Variants in GGT5 observed in about 807,000 individuals in gnomAD.
GGT5 encodes the protein glutathione hydrolase 5 proenzyme.
In GGT5, 50 loss-of-function variants were observed where a neutral mutation model predicts 58.1. The ratio of observed to expected loss-of-function variants is 0.86; its 90% confidence interval spans 0.69 to 1.09. GGT5 has a LOEUF of 1.09. GGT5 is among the 50% of genes least tolerant of loss of function. The probability of loss-of-function intolerance (pLI) is 0.00; values close to 1 mark genes in which losing one functional copy is unlikely to be tolerated. For missense variants in GGT5, 800 were observed against 789.4 expected (o/e 1.01, Z -0.16); for synonymous variants, 370 against 346.1 (o/e 1.07, Z -0.77).
intron 1 of GGT5, among the ~76,000 whole-genome samples, chr22:24,239,554 A>T (rs1210998092): frequency 3.9e-5 from 6 of 152,140 alleles, no homozygotes; most frequent in Non-Finnish European, 8.8e-5. Flanking sequence ...GAGCTTGGCC[A>T]TAAGATTGTT....
At chr22:24,222,514 C>T (rs1011963654) in intron 11 of GGT5, among the ~76,000 whole-genome samples, 3 of 152,184 alleles carry the variant, frequency 2.0e-5, no homozygotes, top group African/African-American at 4.8e-5. Context: ...AGACTCTCCT[C>T]GCCCTAGTCC....
At chr22:24,231,635 C>T in intron 5 of GGT5, 105 bp from the exon 6 acceptor site, 1 of 1,174,000 alleles carries the variant, frequency 8.5e-7, no homozygotes, top group South Asian at 1.4e-5. Context: ...ATGCTTTTGC[C>T]TTGTGGACAC....
Position 24,244,661 on chromosome 22 carries a change from A to G in GGT5, c.65T>C (p.Val22Ala), listed in dbSNP as rs2048425504. 2.5e-6 allele frequency: 4 copies of G among 1,612,846 alleles called. No individual in the cohort carries two copies. In the South Asian group the frequency reaches 3.3e-5, roughly 13 times the overall value. ...AGAGAGGACCACAGCCAGCACAATG[A>G]CAGCCAGCGCCAGCCCCAGACCCAG... ...VLLGLGLALA[V>A]IVLAVVLSRH... is the part of the protein sequence containing the mutation. The change falls in exon 1 of 12, where the codon GTC becomes GCC. Residue 22 changes from valine to alanine, a missense_variant. Physicochemically the swap from Val to Ala is moderately conservative, Grantham distance 64. Coordinates refer to ENST00000327365, the MANE Select transcript of GGT5 (RefSeq NM_004121.5).
chr22:24,236,686 C>T (rs1214861996), intron 1 of GGT5, among the ~76,000 whole-genome samples: 1 of 150,844 alleles, frequency 6.6e-6, no homozygotes, highest in Non-Finnish European at 1.5e-5. Flanking sequence ...TGGTGTGAAC[C>T]TGGAAGTCGG....
At chr22:24,238,255 C>T (rs1332028828) in intron 1 of GGT5, among the ~76,000 whole-genome samples, 4 of 136,566 alleles carry the variant, frequency 2.9e-5, no homozygotes, top group South Asian at 2.4e-4. Context: ...AAAGGCCAGG[C>T]GCGGTGACTC....
rs2048184270 is a variant in GGT5, at chr22:24,238,782, AT to A, written c.174-4779del. On this transcript the variant is annotated intron_variant, in intron 1 of 11. Transcript: ENST00000327365. ...TGGAATATATATATATATATATAAT[AT>A]ATATTATATATTTATATATATATAA... 6.5e-4 allele frequency among the ~76,000 whole-genome samples: 14 copies of A among 21,686 alleles called. 1 individual carries two copies. The highest frequency in any genetic ancestry group is 3.0e-3 in the East Asian group (2 of 666). The allele number at this position is 21,686 out of a possible 152,430, so 14.2% of individuals were successfully genotyped here.
Position 24,238,793 on chromosome 22 carries a change from AT to A in GGT5, c.174-4790del, listed in dbSNP as rs56774827. ...TATATATATATAATATATATTATAT[AT>A]TTATATATATATAATATATTATATA... On this transcript the variant is annotated intron_variant, in intron 1 of 11. Transcript: ENST00000327365. Among the ~76,000 whole-genome samples the A allele has an allele frequency of 9.0e-3, 126 of 13,970 alleles. 5 individuals are homozygous for A. Among genetic ancestry groups the A allele is most frequent in the Non-Finnish European group, 0.014 (104 of 7,612 alleles). The allele number at this position is 13,970 out of a possible 152,430, so 9.2% of individuals were successfully genotyped here.
At position 24,222,591 on chromosome 22, in the gene GGT5, A is replaced by G. The variant is rs923356838; in HGVS notation, c.1614+2405T>C. On this transcript the variant is annotated intron_variant, in intron 11 of 11. Transcript: ENST00000327365. ...CAACCCAGAGTTTAGGATTTACTCC[A>G]TGGAAAGCCCTAGACCTGAATAGCT... Among the ~76,000 whole-genome samples, 15 of 152,302 alleles carry G rather than the reference A, an allele frequency of 9.8e-5. 1 individual carries two copies. The highest frequency in any genetic ancestry group is 8.3e-4 in the South Asian group (4 of 4,830).
At position 24,231,446 on chromosome 22, in the gene GGT5, A is replaced by G. The variant is rs2047937274; in HGVS notation, c.839T>C (p.Leu280Pro). The stretch of plus-strand genomic sequence containing the variant: ...CCCTGCAGGCGGCGGTGGTGAGTAC[A>G]GGGTATAGTCCCCCAGGGGCACCTC... ...ALEVPLGDYT[L>P]YSPPPPAGGA... The change falls in exon 6 of 12, where the codon CTG becomes CCG. Residue 280 changes from leucine to proline, a missense_variant. Physicochemically the swap from Leu to Pro is moderately conservative, Grantham distance 98 (BLOSUM62 -3). Transcript: ENST00000327365. The G allele has an allele frequency of 6.4e-7, 1 of 1,565,532 alleles. No individual in the cohort carries two copies.
intron 11 of GGT5, among the ~76,000 whole-genome samples, chr22:24,221,181 T>C (rs2047579350): frequency 6.6e-6 from 1 of 152,242 alleles, no homozygotes; most frequent in African/African-American, 2.4e-5. Flanking sequence ...ACTTAGTTTA[T>C]AGTTTAAAAC....
At chr22:24,227,712 CAA>C (rs2148899723) in intron 6 of GGT5, among the ~76,000 whole-genome samples, 1 of 144,294 alleles carries the variant, frequency 6.9e-6, no homozygotes, top group South Asian at 2.2e-4. Context: ...GAGGCAGCCA[CAA>C]GCCAAGGAAT....
Position 24,233,857 on chromosome 22 carries a change from T to C in GGT5, c.304+17A>G, listed in dbSNP as rs370286521. 68 of 1,610,656 alleles carry C rather than the reference T, an allele frequency of 4.2e-5. No homozygotes were observed. In the African/African-American group the frequency reaches 8.7e-4, roughly 21 times the overall value. ...GACAAGCCCATCTTCCCCATGGCAG[T>C]TCACATGTGGGCCCACCTGTTGTCA... On this transcript the variant is annotated intron_variant, in intron 2 of 11. Transcript: ENST00000327365.
Position 24,228,946 on chromosome 22 carries a change from C to T in GGT5, c.902-2179G>A, listed in dbSNP as rs148501590. Among the ~76,000 whole-genome samples the T allele has an allele frequency of 2.8e-3, 415 of 149,242 alleles. 2 individuals are homozygous for T. The highest frequency in any genetic ancestry group is 0.026 in the Middle Eastern group (7 of 274). ...TGTCTCTAATAATACAAAAATTAGC[C>T]GGGCATGGTAGCACACATGGGTAGT... On this transcript the variant is annotated intron_variant, in intron 6 of 11. Transcript: ENST00000327365.
rs551778506 is a variant in GGT5, at chr22:24,226,167, C to T, written c.1138G>A (p.Glu380Lys). 1.1e-5 allele frequency: 18 copies of T among 1,611,152 alleles called. No individual in the cohort carries two copies. Among genetic ancestry groups the T allele is most frequent in the African/African-American group, 8.0e-5 (6 of 74,988 alleles). The change falls in exon 8 of 12, where the codon GAG becomes AAG. Residue 380 changes from glutamate to lysine, a missense_variant. Coordinates refer to ENST00000327365, the MANE Select transcript of GGT5 (RefSeq NM_004121.5). ...GTGCCTGTCCCGTGGCCCCAGGCCTCGGCCAAGCTGTAGTGGCTGAGCTGG... is the reference window on the plus strand; with the variant it reads ...GTGCCTGTCCCGTGGCCCCAGGCCTTGGCCAAGCTGTAGTGGCTGAGCTGG... ...DHQLSHYSLA[E>K]AWGHGTGTSH...
intron 6 of GGT5, among the ~76,000 whole-genome samples, chr22:24,228,579 C>A (rs2047846285): frequency 6.6e-6 from 1 of 151,644 alleles, no homozygotes; most frequent in Non-Finnish European, 1.5e-5. Flanking sequence ...GCCTCCCAAG[C>A]AACTGGGACT....
intron 6 of GGT5, among the ~76,000 whole-genome samples, 175 bp from the exon 7 acceptor site, chr22:24,226,942 AT>A (rs34544519): frequency 0.24 from 26,511 of 109,298 alleles, 2,637 homozygotes; most frequent in Admixed American, 0.27. Context: ...TAAGTTAAGG[AT>A]TTTTTTTTTT....
intron 7 of GGT5, 58 bp from the exon 8 acceptor site, chr22:24,226,324 C>G (rs1037418806): frequency 2.7e-5 from 38 of 1,389,262 alleles, no homozygotes; most frequent in Non-Finnish European, 3.7e-5. Flanking sequence ...TCCGCAGAAC[C>G]AAGGGCAGGA....
chr22:24,235,338 G>C (rs754169988), intron 1 of GGT5, among the ~76,000 whole-genome samples: 2 of 152,140 alleles, frequency 1.3e-5, no homozygotes, highest in Admixed American at 6.5e-5. Context: ...GATTACAGGC[G>C]TGAGCCACTG....
intron 7 of GGT5, 90 bp from the exon 8 acceptor site, chr22:24,226,356 C>CT: frequency 9.7e-7 from 1 of 1,029,120 alleles, no homozygotes; most frequent in Non-Finnish European, 1.4e-6. Flanking sequence ...CCCATGGGGG[C>CT]CACCTCCAGT....
Sources: gnomAD v4.1 joint callset for allele counts (sites outside exome capture counted in the v4.1 genomes callset) on GRCh38, gnomAD v4.1.1 for gene constraint, MANE v1.5 for transcripts, NCBI Gene and HGNC (gene_info 2026-07-23, HGNC 2026-07-21) for gene names.